Variants in TRMT44 observed in about 807,000 individuals in gnomAD.
TRMT44 encodes the protein probable tRNA (uracil-O(2)-)-methyltransferase.
In TRMT44, 78 loss-of-function variants were observed where a neutral mutation model predicts 77.3. That is an observed-to-expected ratio of 1.01 (90% CI 0.84 to 1.22). The LOEUF (loss-of-function observed/expected upper bound fraction) is 1.22, where lower values mean the gene tolerates loss of function less well. TRMT44 is among the 50% of genes most tolerant of loss of function. TRMT44 has a pLI of 0.00. For missense variants in TRMT44, 1,090 were observed against 964.4 expected (o/e 1.13, Z -1.73); for synonymous variants, 391 against 383.3 (o/e 1.02, Z -0.23).
intron 6 of TRMT44, among the ~76,000 whole-genome samples, chr4:8,459,601 G>A (rs1188908613): frequency 6.6e-6 from 1 of 152,036 alleles, no homozygotes. Flanking sequence ...TTCCTACCTG[G>A]ACTTTAAAGA....
chr4:8,450,793 T>G (rs1286053142), intron 3 of TRMT44, among the ~76,000 whole-genome samples: 1 of 21,576 alleles, frequency 4.6e-5, no homozygotes, highest in Non-Finnish European at 1.2e-4. Flanking sequence ...CATTTCCATG[T>G]TTTTTTTTTT....
intron 6 of TRMT44, among the ~76,000 whole-genome samples, chr4:8,462,406 C>T (rs113357164): frequency 0.01 from 1,542 of 148,682 alleles, 27 homozygotes; most frequent in African/African-American, 0.036. Flanking sequence ...AGCGATACTC[C>T]GTCTCAAAGA....
At chr4:8,514,012 C>T in the TRMT44 span, among the ~76,000 whole-genome samples, 3,141 of 152,278 alleles carry the variant, frequency 0.021, 127 homozygotes, top group African/African-American at 0.071. Context: ...CAGGCATTCC[C>T]ACTCCTGGCG....
intron 6 of TRMT44, among the ~76,000 whole-genome samples, chr4:8,463,658 C>T (rs537106374): frequency 2.3e-3 from 345 of 152,328 alleles, no homozygotes; most frequent in African/African-American, 7.7e-3. Context: ...GAGGTGAAAC[C>T]GTTCCGTGGC....
chr4:8,497,733 C>CT (rs1193788298), downstream of TRMT44, among the ~76,000 whole-genome samples: 2 of 152,236 alleles, frequency 1.3e-5, no homozygotes, highest in African/African-American at 4.8e-5. Context: ...TGGTGTGTAC[C>CT]TTAAAATAAA....
At chr4:8,503,652 A>C in the TRMT44 span, among the ~76,000 whole-genome samples, 25 of 152,354 alleles carry the variant, frequency 1.6e-4, no homozygotes, top group Admixed American at 4.6e-4. Flanking sequence ...ATGCCCACAC[A>C]GGGTTCCTGC....
chr4:8,498,549 G>C, the TRMT44 span, among the ~76,000 whole-genome samples: 1 of 152,130 alleles, frequency 6.6e-6, no homozygotes, highest in African/African-American at 2.4e-5. The surrounding 1 kb of genome is among the most constrained non-coding windows in gnomAD (Gnocchi z 4.3). Flanking sequence ...AAGAGAGAGA[G>C]GGGCAGCGAT....
intron 6 of TRMT44, among the ~76,000 whole-genome samples, chr4:8,463,480 G>A (rs191442729): frequency 8.5e-5 from 13 of 152,156 alleles, no homozygotes; most frequent in South Asian, 8.3e-4. Context: ...AAAGAATTTC[G>A]TGTATTTACA....
At chr4:8,508,866 TC>T in the TRMT44 span, 1 of 153,220 alleles carries the variant, frequency 6.5e-6, no homozygotes, top group Admixed American at 6.5e-5. Context: ...TTGGCTGCCT[TC>T]CTCCTCCTCC....
At chr4:8,495,545 A>G (rs1389365187), downstream of TRMT44, among the ~76,000 whole-genome samples, 1 of 152,248 alleles carries the variant, frequency 6.6e-6, no homozygotes, top group Non-Finnish European at 1.5e-5. Context: ...GGTCAACTAA[A>G]TACAAAATAT....
the TRMT44 span, among the ~76,000 whole-genome samples, chr4:8,514,179 G>A: frequency 1.3e-5 from 2 of 151,938 alleles, no homozygotes; most frequent in East Asian, 3.9e-4. Context: ...CTCTGCACAG[G>A]GCACCTGGCA....
intron 1 of TRMT44, among the ~76,000 whole-genome samples, chr4:8,445,064 C>T (rs1233966608): frequency 6.6e-6 from 1 of 152,156 alleles, no homozygotes; most frequent in Non-Finnish European, 1.5e-5. Flanking sequence ...AGGAGTTATC[C>T]AGCCACACAT....
Position 8,444,209 on chromosome 4 carries a change from G to T in TRMT44, c.620-2267G>T, listed in dbSNP as rs189647509. Among the ~76,000 whole-genome samples the T allele has an allele frequency of 1.0e-3, 154 of 152,024 alleles. No individual in the cohort carries two copies. The highest frequency in any genetic ancestry group is 1.6e-3 in the Non-Finnish European group (107 of 67,984). On this transcript the variant is annotated intron_variant, in intron 1 of 10. Coordinates refer to ENST00000389737, the MANE Select transcript of TRMT44 (RefSeq NM_152544.3). The surrounding 1 kb of genome is among the most constrained non-coding windows in gnomAD (Gnocchi z 4.0). The stretch of plus-strand genomic sequence containing the variant: ...CATCACATGTTCTCACTTATTTATG[G>T]GGTTTAAAAATCAAAACAATGGAAC...
At chr4:8,448,704 G>T (rs531095357) in intron 2 of TRMT44, among the ~76,000 whole-genome samples, 1 of 152,372 alleles carries the variant, frequency 6.6e-6, no homozygotes, top group South Asian at 2.1e-4. Flanking sequence ...CTTTGGGGTT[G>T]ACTCTCTGGA....
Position 8,486,287 on chromosome 4 carries a change from C to T in TRMT44, n.3891+6754C>T, listed in dbSNP as rs542982380. Among the ~76,000 whole-genome samples the T allele has an allele frequency of 1.1e-3, 175 of 152,226 alleles. 1 individual carries two copies. The highest frequency in any genetic ancestry group is 3.9e-3 in the African/African-American group (162 of 41,524). On this transcript the variant is annotated intron_variant and non_coding_transcript_variant, in intron 2 of 2. Coordinates refer to the TRMT44 transcript ENST00000511366. ...GTTCTGGAGGAACGCCTGGCCACTG[C>T]GGTTTAGGCATTTGGAAGTTCTTGT...
intron 1 of TRMT44, among the ~76,000 whole-genome samples, chr4:8,443,174 G>A (rs1368361779): frequency 6.6e-6 from 1 of 152,124 alleles, no homozygotes; most frequent in African/African-American, 2.4e-5. Context: ...GTCCAGTCTA[G>A]TTTAGGAGTT....
At chr4:8,442,583 A>G (rs77346908) in intron 1 of TRMT44, among the ~76,000 whole-genome samples, 2 of 152,248 alleles carry the variant, frequency 1.3e-5, no homozygotes, top group East Asian at 3.8e-4. Flanking sequence ...GGTCTCTCTC[A>G]CGAGGCCAAA....
At chr4:8,443,185 C>T (rs1381598558) in intron 1 of TRMT44, among the ~76,000 whole-genome samples, 1 of 152,220 alleles carries the variant, frequency 6.6e-6, no homozygotes, top group East Asian at 1.9e-4. Context: ...TTTAGGAGTT[C>T]TTCCAGCTCT....
downstream of TRMT44, among the ~76,000 whole-genome samples, chr4:8,498,197 A>C (rs1728204758): frequency 6.6e-6 from 1 of 152,164 alleles, no homozygotes; most frequent in Non-Finnish European, 1.5e-5. This position sits in a 1 kb window ranked among gnomAD's most constrained non-coding sequence, Gnocchi z 4.3. Flanking sequence ...CTGACTCCTC[A>C]GGGTATGAAG....
Sources: allele counts gnomAD v4.1 joint callset (sites outside exome capture counted in the v4.1 genomes callset), GRCh38; gene constraint gnomAD v4.1.1; non-coding constraint Gnocchi (gnomAD v3.1); transcripts MANE v1.5; gene names NCBI Gene and HGNC (gene_info 2026-07-23, HGNC 2026-07-21).